The following PARD3 variants were observed in gnomAD, a reference collection of about 807,000 sequenced individuals.
The protein encoded by PARD3 is par-3 family cell polarity regulator, also known as partitioning defective 3 homolog.
Under a neutral mutation model 155.4 loss-of-function variants are expected in PARD3, and 75 were observed. The observed-to-expected ratio is 0.48, with a 90% CI of 0.40 to 0.58. The LOEUF is 0.58. PARD3 is among the 20% of genes least tolerant of loss of function. The probability of loss-of-function intolerance (pLI) is 0.00; values close to 1 mark genes in which losing one functional copy is unlikely to be tolerated. For synonymous variants in PARD3, 576 were observed against 610.5 expected (o/e 0.94, Z 0.83); for missense variants, 1,642 against 1,721.7 (o/e 0.95, Z 0.82).
At chr10:34,431,535 G>A (rs2075899847) in intron 5 of PARD3, among the ~76,000 whole-genome samples, 1 of 151,528 alleles carries the variant, frequency 6.6e-6, no homozygotes, top group African/African-American at 2.4e-5. Context: ...GATGTCAGGA[G>A]TTCAAGACCA....
intron 2 of PARD3, among the ~76,000 whole-genome samples, chr10:34,587,943 G>A (rs745335187): frequency 4.6e-5 from 7 of 152,086 alleles, no homozygotes; most frequent in South Asian, 2.1e-4. Context: ...CTTGCTCTGC[G>A]GTGACCAGTT....
At chr10:34,152,452 T>C (rs2132972114) in intron 22 of PARD3, among the ~76,000 whole-genome samples, 1 of 152,320 alleles carries the variant, frequency 6.6e-6, no homozygotes, top group East Asian at 1.9e-4. Context: ...ATAATGGTAT[T>C]TGTGTATCTA....
chr10:34,566,124 T>C (rs1404939408), intron 2 of PARD3, among the ~76,000 whole-genome samples: 1 of 152,208 alleles, frequency 6.6e-6, no homozygotes, highest in Non-Finnish European at 1.5e-5. Flanking sequence ...TGTCCGGCCC[T>C]GTTACCACCA....
chr10:34,495,020 T>C, intron 3 of PARD3, among the ~76,000 whole-genome samples: 1 of 152,158 alleles, frequency 6.6e-6, no homozygotes, highest in East Asian at 1.9e-4. Context: ...CTGTGACCAA[T>C]TTCCAGCCCC....
chr10:34,230,799 G>A (rs892858046), intron 22 of PARD3, among the ~76,000 whole-genome samples: 5 of 152,076 alleles, frequency 3.3e-5, no homozygotes, highest in African/African-American at 7.3e-5. Flanking sequence ...AGGCTAGGGC[G>A]GGAGGATCAC....
At chr10:34,154,213 A>G (rs548893281) in intron 22 of PARD3, among the ~76,000 whole-genome samples, 98 of 152,346 alleles carry the variant, frequency 6.4e-4, no homozygotes, top group African/African-American at 2.3e-3. Context: ...CTAAATGATC[A>G]TGTGTATCGT....
intron 7 of PARD3, among the ~76,000 whole-genome samples, chr10:34,389,267 A>G (rs1260923284): frequency 7.1e-5 from 10 of 139,964 alleles, no homozygotes; most frequent in Admixed American, 3.6e-4. Flanking sequence ...AAAAAAAAAG[A>G]CAAGCTAGGG....
chr10:34,231,145 T>C (rs191935602), intron 22 of PARD3, among the ~76,000 whole-genome samples: 1 of 151,644 alleles, frequency 6.6e-6, no homozygotes, highest in Admixed American at 6.6e-5. Flanking sequence ...TCCACATATA[T>C]ATACATGTTC....
chr10:34,548,293 A>T (rs2084265115), intron 2 of PARD3, among the ~76,000 whole-genome samples: 1 of 152,106 alleles, frequency 6.6e-6, no homozygotes, highest in Non-Finnish European at 1.5e-5. Context: ...GTTAGAGACT[A>T]GCCTGGGCAA....
At chr10:34,146,182 C>T (rs1021493127) in intron 22 of PARD3, among the ~76,000 whole-genome samples, 7 of 152,154 alleles carry the variant, frequency 4.6e-5, no homozygotes, top group African/African-American at 9.7e-5. Flanking sequence ...AATAGCTTTA[C>T]TCTCTAATGT....
intron 22 of PARD3, among the ~76,000 whole-genome samples, chr10:34,238,504 C>T (rs1285291073): frequency 1.3e-5 from 2 of 152,054 alleles, no homozygotes; most frequent in Admixed American, 6.6e-5. Flanking sequence ...TCCCTTAGTC[C>T]CAAACATCTC....
chr10:34,750,436 C>G (rs900261777), intron 1 of PARD3, among the ~76,000 whole-genome samples: 1 of 148,808 alleles, frequency 6.7e-6, no homozygotes, highest in Non-Finnish European at 1.5e-5. Flanking sequence ...AGTACCATTA[C>G]AGTTACATCC....
rs533512290 is a variant in PARD3 at position 34,311,656 on chromosome 10, T to C, written c.3065+5451A>G. ...GTCTCAGCAAACCTTGGGATTACTA[T>C]ATGCCAAAGTAGCTCTGCTTTTTTC... On this transcript the variant is annotated intron_variant, in intron 20 of 24. Coordinates refer to ENST00000374788, the MANE Select transcript of PARD3 (RefSeq NM_001184785.2). 4.8e-4 allele frequency among the ~76,000 whole-genome samples: 73 copies of C among 152,330 alleles called. 2 individuals are homozygous for C. Among genetic ancestry groups the C allele is most frequent in the Admixed American group, 4.7e-3 (72 of 15,300 alleles).
chr10:34,766,932 C>T (rs1838176598), intron 1 of PARD3, among the ~76,000 whole-genome samples: 1 of 152,172 alleles, frequency 6.6e-6, no homozygotes, highest in Non-Finnish European at 1.5e-5. Flanking sequence ...AAAGAATCCG[C>T]ATGTCCTCAG....
intron 1 of PARD3, among the ~76,000 whole-genome samples, chr10:34,797,083 T>C (rs544258924): frequency 1.6e-4 from 25 of 152,322 alleles, no homozygotes; most frequent in African/African-American, 6.0e-4. Context: ...GAGCTTATAT[T>C]TGCCAACAAC....
intron 5 of PARD3, among the ~76,000 whole-genome samples, chr10:34,436,424 T>C (rs1377479299): frequency 6.6e-6 from 1 of 152,244 alleles, no homozygotes; most frequent in African/African-American, 2.4e-5. Context: ...GTCAGTTTAA[T>C]AGACTGCATA....
At position 34,814,319 on chromosome 10, in the gene PARD3, G is replaced by C. The variant is rs531490006; in HGVS notation, c.120+557C>G. 4.1e-3 allele frequency among the ~76,000 whole-genome samples: 631 copies of C among 152,212 alleles called. 1 individual carries two copies. The highest frequency in any genetic ancestry group is 6.9e-3 in the Non-Finnish European group (467 of 67,986). ...GGGCCGCCCCTGCCGGCCCCTACCA[G>C]CAGGGGACATGGAGGAAAAGCCCCC... On this transcript the variant is annotated intron_variant, in intron 1 of 24. Coordinates refer to ENST00000374788, the MANE Select transcript of PARD3 (RefSeq NM_001184785.2).
intron 4 of PARD3, among the ~76,000 whole-genome samples, chr10:34,452,346 A>C (rs2077106064): frequency 6.6e-6 from 1 of 152,216 alleles, no homozygotes; most frequent in Admixed American, 6.5e-5. Flanking sequence ...ATGCCAAATA[A>C]TGGAAATAGA....
At chr10:34,595,721 T>C (rs2089189056) in intron 2 of PARD3, among the ~76,000 whole-genome samples, 1 of 152,228 alleles carries the variant, frequency 6.6e-6, no homozygotes, top group Non-Finnish European at 1.5e-5. Context: ...TTATTTTCAC[T>C]TAGTTATTTC....
Sources: gnomAD v4.1 joint callset for allele counts (sites outside exome capture counted in the v4.1 genomes callset) on GRCh38, gnomAD v4.1.1 for gene constraint, MANE v1.5 for transcripts, NCBI Gene and HGNC (gene_info 2026-07-23, HGNC 2026-07-21) for gene names.